Variants in PRKCE observed in about 807,000 individuals in gnomAD.
PRKCE encodes the protein protein kinase C epsilon, also known as protein kinase C epsilon type.
PRKCE carries 16 observed loss-of-function variants against 85.4 expected under a neutral mutation model. The observed-to-expected ratio is 0.19, with a 90% CI of 0.13 to 0.28. PRKCE has a LOEUF of 0.28. Ranked by LOEUF, PRKCE falls within the 10% of genes least tolerant of loss-of-function variation. The pLI is 1.00. For missense variants in PRKCE, 573 were observed against 975.2 expected, an observed-to-expected ratio of 0.59 and a Z score of 5.49; for synonymous variants, 388 against 371.5, an observed-to-expected ratio of 1.04 and a Z score of -0.51.
At chr2:45,787,341 G>T (rs992265463) in intron 1 of PRKCE, among the ~76,000 whole-genome samples, 1 of 151,728 alleles carries the variant, frequency 6.6e-6, no homozygotes, top group Admixed American at 6.6e-5. Context: ...TGAGGGAGAG[G>T]GAGAGACAGA....
At chr2:45,979,763 T>C (rs1159882963) in intron 4 of PRKCE, among the ~76,000 whole-genome samples, 4 of 152,258 alleles carry the variant, frequency 2.6e-5, no homozygotes, top group Non-Finnish European at 5.9e-5. Context: ...CATTGCTCCA[T>C]GACACTAACA....
intron 11 of PRKCE, among the ~76,000 whole-genome samples, chr2:46,109,347 AT>A (rs1347837190): frequency 6.6e-6 from 1 of 152,174 alleles, no homozygotes; most frequent in African/African-American, 2.4e-5. Context: ...CTCTTTATTT[AT>A]TTAGATCTTC....
chr2:45,753,629 C>T (rs1043835826), intron 1 of PRKCE, among the ~76,000 whole-genome samples: 5 of 152,104 alleles, frequency 3.3e-5, no homozygotes, highest in South Asian at 2.1e-4. Flanking sequence ...TCGGCTGCTG[C>T]GCCCATAGCA....
intron 10 of PRKCE, among the ~76,000 whole-genome samples, chr2:46,037,706 C>T (rs1415902578): frequency 6.6e-6 from 1 of 152,184 alleles, no homozygotes; most frequent in African/African-American, 2.4e-5. Flanking sequence ...TGTTCCTTCT[C>T]AGGCCACTCT....
In PRKCE at chr2:45,699,178, G is replaced by T. The variant is rs558253337; in HGVS notation, c.348+46730G>T. Among the ~76,000 whole-genome samples, 6 of 151,960 alleles carry T rather than the reference G, an allele frequency of 3.9e-5. No homozygotes were observed. The South Asian group carries it at 6.2e-4, about 16-fold the overall frequency. ...CCTCCTGTCCTCCTCCCTGTCTGCTGTTCGTCCTTAGCAGGCAAAGGAGGG... is the reference window on the plus strand; with the variant it reads ...CCTCCTGTCCTCCTCCCTGTCTGCTTTTCGTCCTTAGCAGGCAAAGGAGGG... On this transcript the variant is annotated intron_variant, in intron 1 of 14. Coordinates refer to ENST00000306156, the MANE Select transcript of PRKCE (RefSeq NM_005400.3).
rs1675235018 is a variant in PRKCE at position 46,138,777 on chromosome 2, A to G, written c.1593-6316A>G. On this transcript the variant is annotated intron_variant, in intron 11 of 14. Coordinates refer to ENST00000306156, the MANE Select transcript of PRKCE (RefSeq NM_005400.3). This position sits in a 1 kb window ranked among gnomAD's most constrained non-coding sequence, Gnocchi z 4.2. ...AATGCATAACATCTCATAGCATCTA[A>G]TGCGTAGAGACCAGGGTGCTAGTAA... Among the ~76,000 whole-genome samples, 1 of 152,206 alleles carries G rather than the reference A, an allele frequency of 6.6e-6. No homozygotes were observed. The highest frequency in any genetic ancestry group is 1.5e-5 in the Non-Finnish European group (1 of 68,042).
intron 10 of PRKCE, among the ~76,000 whole-genome samples, chr2:46,016,882 C>A (rs1281773801): frequency 1.4e-5 from 2 of 145,870 alleles, no homozygotes; most frequent in Non-Finnish European, 3.0e-5. Context: ...GCACTCCAGC[C>A]TGGGGCAATA....
At chr2:45,862,485 A>G (rs995431969) in intron 2 of PRKCE, among the ~76,000 whole-genome samples, 1 of 152,116 alleles carries the variant, frequency 6.6e-6, no homozygotes, top group Non-Finnish European at 1.5e-5. Flanking sequence ...CTCTAACCAG[A>G]CTGTCAGAAG....
At chr2:45,666,855 A>T (rs910269794) in intron 1 of PRKCE, among the ~76,000 whole-genome samples, 1 of 152,140 alleles carries the variant, frequency 6.6e-6, no homozygotes, top group Non-Finnish European at 1.5e-5. Context: ...AAACAAATTT[A>T]TTTAAGTGGG....
intron 2 of PRKCE, among the ~76,000 whole-genome samples, chr2:45,909,664 C>G (rs1174969264): frequency 6.6e-6 from 1 of 152,222 alleles, no homozygotes; most frequent in Non-Finnish European, 1.5e-5. Context: ...CCCCTACCCC[C>G]ATTCTGTGCT....
chr2:45,926,891 G>C (rs1425933943), intron 2 of PRKCE, among the ~76,000 whole-genome samples: 1 of 152,232 alleles, frequency 6.6e-6, no homozygotes, highest in Non-Finnish European at 1.5e-5. Flanking sequence ...GAGAAGTATA[G>C]AATGTGTATA....
chr2:46,130,384 G>A (rs1045416145), intron 11 of PRKCE, among the ~76,000 whole-genome samples: 2 of 151,478 alleles, frequency 1.3e-5, no homozygotes, highest in African/African-American at 4.9e-5. Flanking sequence ...TATATACTTT[G>A]TTATATATAA....
intron 2 of PRKCE, among the ~76,000 whole-genome samples, chr2:45,925,352 G>A (rs780646440): frequency 1.4e-4 from 22 of 151,858 alleles, no homozygotes; most frequent in Non-Finnish European, 2.5e-4. Context: ...GATGGATTGC[G>A]ATGGCATGAT....
chr2:46,061,104 C>CT (rs565280374), intron 10 of PRKCE, among the ~76,000 whole-genome samples: 11,481 of 103,478 alleles, frequency 0.11, 1,065 homozygotes, highest in African/African-American at 0.17. Flanking sequence ...CTTTTTTTTC[C>CT]TTTTTTTTTT....
At chr2:45,764,471 A>G (rs1684753510) in intron 1 of PRKCE, among the ~76,000 whole-genome samples, 1 of 152,232 alleles carries the variant, frequency 6.6e-6, no homozygotes, top group Admixed American at 6.5e-5. Context: ...CTTCTGTTGC[A>G]ATCAGGGTTC....
intron 2 of PRKCE, among the ~76,000 whole-genome samples, chr2:45,901,110 A>G (rs2103716015): frequency 6.6e-6 from 1 of 152,338 alleles, no homozygotes; most frequent in East Asian, 1.9e-4. Context: ...AAATGATTTG[A>G]TATCATAAAC....
chr2:45,785,283 G>C (rs985483073), intron 1 of PRKCE, among the ~76,000 whole-genome samples: 3 of 152,160 alleles, frequency 2.0e-5, no homozygotes, highest in Non-Finnish European at 2.9e-5. Context: ...TTGAGGTCAG[G>C]AGTTAGAGAC....
intron 1 of PRKCE, among the ~76,000 whole-genome samples, chr2:45,799,829 G>T (rs1687720208): frequency 6.6e-6 from 1 of 152,212 alleles, no homozygotes; most frequent in Admixed American, 6.5e-5. Flanking sequence ...CCAGAATCAG[G>T]ACCCAGTCTA....
At chr2:45,913,053 C>G (rs1485768709) in intron 2 of PRKCE, among the ~76,000 whole-genome samples, 1 of 152,174 alleles carries the variant, frequency 6.6e-6, no homozygotes, top group Non-Finnish European at 1.5e-5. Context: ...TCTCTAAGCT[C>G]CAGACTTATG....
Sources: gnomAD v4.1 joint callset for allele counts (sites outside exome capture counted in the v4.1 genomes callset) on GRCh38, gnomAD v4.1.1 for gene constraint, Gnocchi (gnomAD v3.1) non-coding constraint, MANE v1.5 for transcripts, NCBI Gene and HGNC (gene_info 2026-07-23, HGNC 2026-07-21) for gene names.